The following DMXL2 variants were observed in gnomAD, a reference collection of about 807,000 sequenced individuals.
DMXL2 encodes Dmx like 2.
A neutral mutation model predicts 331.1 loss-of-function variants in DMXL2; 103 were observed. That is an observed-to-expected ratio of 0.31 (90% CI 0.27 to 0.37). The LOEUF (loss-of-function observed/expected upper bound fraction) is 0.37, where lower values mean the gene tolerates loss of function less well. Ranked by LOEUF, DMXL2 falls within the 10% of genes least tolerant of loss-of-function variation. The pLI, the probability that DMXL2 is intolerant of heterozygous loss-of-function variation, is 1.00. For synonymous variants in DMXL2, 1,281 were observed against 1,252.1 expected (o/e 1.02, Z -0.49); for missense variants, 3,171 against 3,642.9 (o/e 0.87, Z 3.33).
At chr15:51,600,238 A>G (rs1234971602) in intron 1 of DMXL2, among the ~76,000 whole-genome samples, 1 of 152,188 alleles carries the variant, frequency 6.6e-6, no homozygotes, top group South Asian at 2.1e-4. Flanking sequence ...AATGTGGTCA[A>G]TCAAGATACC....
intron 23 of DMXL2, among the ~76,000 whole-genome samples, chr15:51,482,883 T>C (rs944167325): frequency 2.4e-4 from 37 of 152,136 alleles, no homozygotes; most frequent in Admixed American, 2.0e-3. Context: ...ACAGCTAAGA[T>C]TTGACTGGAG....
chr15:51,472,154 G>A (rs939497318), intron 28 of DMXL2, among the ~76,000 whole-genome samples: 1 of 152,116 alleles, frequency 6.6e-6, no homozygotes, highest in African/African-American at 2.4e-5. Context: ...TTGGGTATGG[G>A]AGGGCCAGAA....
At chr15:51,450,765 T>C (rs2039063241) in intron 42 of DMXL2, 1 of 167,514 alleles carries the variant, frequency 6.0e-6, no homozygotes, top group South Asian at 1.5e-4. Flanking sequence ...TGTTTTCAGT[T>C]ACAAGTTAAG....
At chr15:51,548,390 T>C (rs2049008349) in intron 6 of DMXL2, among the ~76,000 whole-genome samples, 1 of 152,106 alleles carries the variant, frequency 6.6e-6, no homozygotes, top group African/African-American at 2.4e-5. Flanking sequence ...AAACAAAAAT[T>C]TCCATTAATG....
At chr15:51,589,980 T>C (rs532440378) in intron 1 of DMXL2, among the ~76,000 whole-genome samples, 1 of 152,352 alleles carries the variant, frequency 6.6e-6, no homozygotes, top group East Asian at 1.9e-4. Flanking sequence ...AGAAAAATTA[T>C]GCTTTATCAT....
chr15:51,521,452 A>G (rs145388160), intron 13 of DMXL2, among the ~76,000 whole-genome samples: 31 of 117,422 alleles, frequency 2.6e-4, no homozygotes, highest in African/African-American at 3.7e-4. Flanking sequence ...TAGTAGTAGT[A>G]GTAGTAGTAG....
chr15:51,555,426 G>A (rs1282066850), intron 6 of DMXL2, among the ~76,000 whole-genome samples: 1 of 152,104 alleles, frequency 6.6e-6, no homozygotes, highest in Non-Finnish European at 1.5e-5. Flanking sequence ...AAAGTTGAAT[G>A]TCATCAGCAT....
intron 26 of DMXL2, among the ~76,000 whole-genome samples, chr15:51,477,360 TTTC>T (rs2041669737): frequency 6.6e-6 from 1 of 151,990 alleles, no homozygotes; most frequent in African/African-American, 2.4e-5. Context: ...GTATTTGCAT[TTTC>T]ATTTGGTGCC....
intron 1 of DMXL2, among the ~76,000 whole-genome samples, chr15:51,613,165 G>A (rs537625294): frequency 1.7e-4 from 26 of 152,278 alleles, no homozygotes; most frequent in African/African-American, 5.5e-4. Context: ...ACAGGGTCCT[G>A]AGGAGACATT....
At chr15:51,544,721 TA>T (rs1715594944) in intron 8 of DMXL2, among the ~76,000 whole-genome samples, 2 of 152,130 alleles carry the variant, frequency 1.3e-5, no homozygotes, top group Admixed American at 1.3e-4. Context: ...GTAAACAAAT[TA>T]AGTATAAAAA....
At chr15:51,522,140 C>T (rs1380912406) in intron 13 of DMXL2, among the ~76,000 whole-genome samples, 1 of 152,114 alleles carries the variant, frequency 6.6e-6, no homozygotes, top group Non-Finnish European at 1.5e-5. Flanking sequence ...ATCTTTGATA[C>T]TTTAAATGGA....
At chr15:51,596,939 G>T (rs1427823831) in intron 1 of DMXL2, among the ~76,000 whole-genome samples, 1 of 152,102 alleles carries the variant, frequency 6.6e-6, no homozygotes, top group Non-Finnish European at 1.5e-5. Context: ...GAGGAGGGGG[G>T]TGGGATAGCA....
chr15:51,587,142 A>G (rs2051898807), intron 1 of DMXL2, among the ~76,000 whole-genome samples: 1 of 152,226 alleles, frequency 6.6e-6, no homozygotes, highest in Non-Finnish European at 1.5e-5. Flanking sequence ...ACTACTTTTT[A>G]AAATAGCTAC....
intron 42 of DMXL2, 189 bp from the exon 43 acceptor site, chr15:51,450,535 A>C: frequency 1.6e-6 from 1 of 607,616 alleles, no homozygotes; most frequent in Non-Finnish European, 2.8e-6. Context: ...ATGTCAGAAC[A>C]AACTTTTTAT....
chr15:51,542,579 T>C, intron 8 of DMXL2, 72 bp from the exon 9 acceptor site: 1 of 1,151,680 alleles, frequency 8.7e-7, no homozygotes. Flanking sequence ...TACTCTTAAT[T>C]ATTAAGAGGT....
chr15:51,552,587 T>C (rs1295502942), intron 6 of DMXL2, among the ~76,000 whole-genome samples: 2 of 152,214 alleles, frequency 1.3e-5, no homozygotes, highest in Non-Finnish European at 2.9e-5. Context: ...TCCTTGAACC[T>C]TTTTTCTTGG....
chr15:51,586,369 A>G (rs2051824941), intron 1 of DMXL2, among the ~76,000 whole-genome samples: 1 of 152,214 alleles, frequency 6.6e-6, no homozygotes, highest in African/African-American at 2.4e-5. Flanking sequence ...AAGCTTGACT[A>G]CAAATATGTA....
At chr15:51,449,718 G>A (rs1213482462) in intron 43 of DMXL2, among the ~76,000 whole-genome samples, 1 of 151,994 alleles carries the variant, frequency 6.6e-6, no homozygotes, top group Non-Finnish European at 1.5e-5. Flanking sequence ...TGGGTTTGTT[G>A]GGACATAATC....
At position 51,622,733 on chromosome 15, in the gene DMXL2, C is replaced by T. The variant is rs2054743129; in HGVS notation, c.-188G>A. The T allele has an allele frequency of 1.9e-6, 2 of 1,055,560 alleles. No homozygotes were observed. The highest frequency in any genetic ancestry group is 1.7e-5 in the African/African-American group (1 of 60,200). The allele number at this position is 1,055,560 out of a possible 1,614,324, so 65.4% of individuals were successfully genotyped here. On this transcript the variant is annotated 5_prime_UTR_variant, in exon 1 of 44. Coordinates refer to ENST00000560891, the MANE Select transcript of DMXL2 (RefSeq NM_001378457.1). Reference sequence around the variant, plus strand: ...CGTCCCTGCCATGGGAGCTCCTCGACCGCCGCCGCCGCCCGGGTCGCCGCT... The same window carrying T: ...CGTCCCTGCCATGGGAGCTCCTCGATCGCCGCCGCCGCCCGGGTCGCCGCT...
Sources: allele counts gnomAD v4.1 joint callset (sites outside exome capture counted in the v4.1 genomes callset), GRCh38; gene constraint gnomAD v4.1.1; transcripts MANE v1.5; gene names NCBI Gene and HGNC (gene_info 2026-07-23, HGNC 2026-07-21).